Variants in TLK2 observed in about 807,000 individuals in gnomAD.
The protein encoded by TLK2 is serine/threonine-protein kinase tousled-like 2.
In TLK2, 6 loss-of-function variants were observed where a neutral mutation model predicts 117.3. The ratio of observed to expected loss-of-function variants is 0.05; its 90% CI spans 0.03 to 0.10. The LOEUF is 0.10. TLK2 is among the 10% of genes least tolerant of loss of function. The pLI, the probability that TLK2 is intolerant of heterozygous loss-of-function variation, is 1.00. For synonymous variants in TLK2, 257 were observed against 316.7 expected, an observed-to-expected ratio of 0.81 and a Z score of 2.00; for missense variants, 299 against 901.2, an observed-to-expected ratio of 0.33 and a Z score of 8.56.
upstream of TLK2, among the ~76,000 whole-genome samples, chr17:62,476,063 C>T (rs763588585): frequency 9.9e-5 from 15 of 152,102 alleles, no homozygotes; most frequent in African/African-American, 2.4e-4. Context: ...CTGCAACCTC[C>T]GCCTCCTGGG....
rs183751830 is a variant in TLK2, at chr17:62,527,599, C to T, written c.363+3268C>T. On this transcript the variant is annotated intron_variant, in intron 6 of 21. Transcript: ENST00000346027. ...CTTGTGTCTAGCTCCTTTTGTTGCA[C>T]GTTACTTTTGTGAGGTTTATCCATT... Among the ~76,000 whole-genome samples the T allele has an allele frequency of 3.8e-3, 578 of 152,018 alleles. 3 individuals carry two copies. The highest frequency in any genetic ancestry group is 0.013 in the African/African-American group (538 of 41,448).
At chr17:62,588,603 G>T (rs1472239567) in intron 16 of TLK2, among the ~76,000 whole-genome samples, 1 of 152,154 alleles carries the variant, frequency 6.6e-6, no homozygotes, top group African/African-American at 2.4e-5. Context: ...GGGAGAGGGT[G>T]TGTGAGTTGT....
intron 20 of TLK2, among the ~76,000 whole-genome samples, chr17:62,606,846 C>T (rs2083338541): frequency 6.6e-6 from 1 of 151,982 alleles, no homozygotes; most frequent in Non-Finnish European, 1.5e-5. Flanking sequence ...ATTTATGTTC[C>T]TATTGCTGTT....
At chr17:62,568,654 G>A (rs1246383075) in intron 11 of TLK2, among the ~76,000 whole-genome samples, 3 of 151,342 alleles carry the variant, frequency 2.0e-5, no homozygotes, top group Non-Finnish European at 2.9e-5. Context: ...GTGCAATCTC[G>A]GCTCACTGCA....
intron 21 of TLK2, chr17:62,611,804 A>G (rs866511436): frequency 2.6e-5 from 4 of 152,260 alleles, no homozygotes; most frequent in Non-Finnish European, 5.9e-5. Flanking sequence ...TTGGTAGTCA[A>G]CTGGAATTCC....
chr17:62,477,100 A>C (rs1374297383), upstream of TLK2, among the ~76,000 whole-genome samples: 1 of 152,014 alleles, frequency 6.6e-6, no homozygotes. Flanking sequence ...CAAAAAAAAA[A>C]AATTTTTTTT....
At chr17:62,563,449 TA>T (rs796168706) in intron 10 of TLK2, among the ~76,000 whole-genome samples, 2 of 150,320 alleles carry the variant, frequency 1.3e-5, no homozygotes, top group Admixed American at 6.6e-5. Context: ...TCTCTTAAAA[TA>T]AAAAAAAAGA....
chr17:62,532,002 A>G (rs1266555617), intron 6 of TLK2, among the ~76,000 whole-genome samples: 3 of 152,124 alleles, frequency 2.0e-5, no homozygotes, highest in Non-Finnish European at 4.4e-5. Flanking sequence ...GTCTGTGACT[A>G]TCTGCTTGAT....
chr17:62,545,946 A>G (rs2077878076), intron 7 of TLK2, among the ~76,000 whole-genome samples: 1 of 152,022 alleles, frequency 6.6e-6, no homozygotes, highest in African/African-American at 2.4e-5. Flanking sequence ...AGTGGCATGG[A>G]TGTCAGTTCA....
intron 7 of TLK2, among the ~76,000 whole-genome samples, chr17:62,544,938 T>G (rs773354426): frequency 6.6e-6 from 1 of 152,224 alleles, no homozygotes; most frequent in Non-Finnish European, 1.5e-5. Flanking sequence ...TCCTAAGTAT[T>G]TATTCTTTTT....
chr17:62,537,747 T>G (rs2077211247), intron 7 of TLK2, among the ~76,000 whole-genome samples: 1 of 152,186 alleles, frequency 6.6e-6, no homozygotes, highest in African/African-American at 2.4e-5. Context: ...TCACTTTTAT[T>G]TCAGTGTTTA....
intron 2 of TLK2, among the ~76,000 whole-genome samples, chr17:62,483,063 G>A (rs868453391): frequency 1.3e-5 from 2 of 152,188 alleles, no homozygotes; most frequent in Admixed American, 6.5e-5. Context: ...TCTAGGTGAA[G>A]TAGCTTCAAA....
At chr17:62,506,166 G>C (rs528029973) in intron 2 of TLK2, among the ~76,000 whole-genome samples, 1 of 152,354 alleles carries the variant, frequency 6.6e-6, no homozygotes, top group South Asian at 2.1e-4. Flanking sequence ...TAGGTTAGTA[G>C]TGTAATTTTT....
intron 7 of TLK2, among the ~76,000 whole-genome samples, chr17:62,548,283 A>AT (rs2078114704): frequency 1.6e-5 from 1 of 62,988 alleles, no homozygotes; most frequent in Admixed American, 1.8e-4. Context: ...TGTCTTTTTT[A>AT]TTTTTATTTT....
chr17:62,603,524 A>AT (rs1166491505), intron 19 of TLK2, among the ~76,000 whole-genome samples: 1 of 151,566 alleles, frequency 6.6e-6, no homozygotes, highest in Non-Finnish European at 1.5e-5. Context: ...TTTGTGTTTG[A>AT]TCTTTTTTTT....
chr17:62,600,672 C>T lies in TLK2; in HGVS notation c.1572C>T (p.Tyr524=). ...DTDSFCTVLE[Y]CEGNDLDFYL... is the part of the protein sequence containing the mutation. Reference sequence around the variant, plus strand: ...TTAGGTTTTGTACAGTATTAGAATACTGTGAGGGAAATGATCTGGACTTCT... The same window carrying T: ...TTAGGTTTTGTACAGTATTAGAATATTGTGAGGGAAATGATCTGGACTTCT... Residue 524 remains tyrosine (Y), a synonymous_variant, in exon 18 of 22, where the codon TAC becomes TAT. Coordinates refer to ENST00000346027, the MANE Select transcript of TLK2 (RefSeq NM_006852.6). 1 of 1,610,036 alleles carries T rather than the reference C, an allele frequency of 6.2e-7. No individual in the cohort carries two copies.
chr17:62,497,943 A>G (rs1395034874), intron 2 of TLK2, among the ~76,000 whole-genome samples: 1 of 151,918 alleles, frequency 6.6e-6, no homozygotes, highest in Admixed American at 6.6e-5. Flanking sequence ...TGATCCACCC[A>G]CCTTGGCCTC....
At chr17:62,492,785 T>C (rs973650625) in intron 2 of TLK2, among the ~76,000 whole-genome samples, 1 of 152,008 alleles carries the variant, frequency 6.6e-6, no homozygotes, top group Non-Finnish European at 1.5e-5. Flanking sequence ...TCCCAAATCG[T>C]AACTCCATGC....
At chr17:62,509,829 A>G (rs540333715) in intron 2 of TLK2, among the ~76,000 whole-genome samples, 26 of 152,220 alleles carry the variant, frequency 1.7e-4, no homozygotes, top group African/African-American at 6.3e-4. Flanking sequence ...CTACTTTGTG[A>G]GGATGTAGGA....
Sources: gnomAD v4.1 joint callset for allele counts (sites outside exome capture counted in the v4.1 genomes callset) on GRCh38, gnomAD v4.1.1 for gene constraint, MANE v1.5 for transcripts, NCBI Gene and HGNC (gene_info 2026-07-23, HGNC 2026-07-21) for gene names.